Variants in CAMTA1 observed in about 807,000 individuals in gnomAD.
CAMTA1 encodes the protein calmodulin-binding transcription activator 1.
CAMTA1 carries 27 observed loss-of-function variants against 170.9 expected under a neutral mutation model. That is an observed-to-expected ratio of 0.16 (90% confidence interval 0.12 to 0.22). The LOEUF is 0.22. Among genes scored for constraint, CAMTA1 ranks in the 10% least tolerant of loss-of-function variants. The pLI is 1.00. For missense variants in CAMTA1, 1,619 were observed against 2,217.2 expected (o/e 0.73, Z 5.42); for synonymous variants, 833 against 891.5 (o/e 0.93, Z 1.17).
At chr1:6,807,555 C>T (rs1402547287) in intron 1 of CAMTA1, among the ~76,000 whole-genome samples, 1 of 151,964 alleles carries the variant, frequency 6.6e-6, no homozygotes, top group Non-Finnish European at 1.5e-5. Context: ...CCCGTCTCTA[C>T]TAAAAATACA....
At chr1:7,103,735 CAT>C (rs1312800674) in intron 4 of CAMTA1, among the ~76,000 whole-genome samples, 7 of 151,576 alleles carry the variant, frequency 4.6e-5, no homozygotes, top group African/African-American at 7.3e-5. Flanking sequence ...ACACACCACA[CAT>C]GTACACACAA....
intron 4 of CAMTA1, among the ~76,000 whole-genome samples, chr1:7,103,622 C>CACA (rs1553246273): frequency 2.2e-4 from 32 of 147,360 alleles, no homozygotes; most frequent in South Asian, 1.1e-3. Context: ...CACACACGCA[C>CACA]ACACAACTAC....
chr1:6,858,776 C>T (rs1285677636), intron 3 of CAMTA1, among the ~76,000 whole-genome samples: 1 of 152,006 alleles, frequency 6.6e-6, no homozygotes, highest in East Asian at 1.9e-4. Flanking sequence ...TATGAGGACC[C>T]CAGTGTCGTA....
intron 6 of CAMTA1, among the ~76,000 whole-genome samples, chr1:7,501,154 G>A (rs1025461238): frequency 6.6e-6 from 1 of 152,082 alleles, no homozygotes; most frequent in South Asian, 2.1e-4. Context: ...AGGTTCTAGG[G>A]CATTCTCCCC....
chr1:6,964,388 A>T (rs1691154240), intron 3 of CAMTA1, among the ~76,000 whole-genome samples: 1 of 152,144 alleles, frequency 6.6e-6, no homozygotes, highest in East Asian at 1.9e-4. Context: ...CAGGGGCACA[A>T]CGTGATGGCT....
At chr1:7,480,260 T>TGAGTGC (rs199598421) in intron 6 of CAMTA1, among the ~76,000 whole-genome samples, 2 of 151,074 alleles carry the variant, frequency 1.3e-5, no homozygotes, top group Middle Eastern at 3.5e-3. Context: ...TGCATGTGTG[T>TGAGTGC]ATGTGTGTGA....
At chr1:6,928,689 C>G (rs2149361983) in intron 3 of CAMTA1, among the ~76,000 whole-genome samples, 1 of 152,316 alleles carries the variant, frequency 6.6e-6, no homozygotes, top group Middle Eastern at 3.4e-3. Context: ...GACCTTTGCA[C>G]TTGCCATTCC....
chr1:7,545,139 A>T (rs1286008490), intron 6 of CAMTA1, among the ~76,000 whole-genome samples: 2 of 152,152 alleles, frequency 1.3e-5, no homozygotes, highest in Non-Finnish European at 2.9e-5. Context: ...TTATGCCGTT[A>T]TTTTTGTTTC....
At chr1:7,210,400 C>T (rs372326017) in intron 4 of CAMTA1, among the ~76,000 whole-genome samples, 6 of 152,270 alleles carry the variant, frequency 3.9e-5, no homozygotes, top group East Asian at 3.9e-4. Flanking sequence ...ACCACAGAAG[C>T]GACATTGGGT....
chr1:6,990,600 A>G (rs1294546359), intron 3 of CAMTA1, among the ~76,000 whole-genome samples: 2 of 152,126 alleles, frequency 1.3e-5, no homozygotes, highest in Non-Finnish European at 2.9e-5. Flanking sequence ...GTGTCTACCC[A>G]TGTAACCCAA....
At chr1:7,764,519 G>C (rs1215206893) in intron 22 of CAMTA1, among the ~76,000 whole-genome samples, 1 of 152,194 alleles carries the variant, frequency 6.6e-6, no homozygotes, top group African/African-American at 2.4e-5. Context: ...ACTCAGAAAT[G>C]ATTCTGCTTG....
chr1:7,018,630 G>C (rs1319392190), intron 3 of CAMTA1, among the ~76,000 whole-genome samples: 1 of 152,158 alleles, frequency 6.6e-6, no homozygotes, highest in East Asian at 1.9e-4. Context: ...TGCTTTTAGA[G>C]ATGCCATTCC....
rs1322434658 is a variant in CAMTA1 at position 7,270,297 on chromosome 1, T to A, written c.438+20671T>A. 8.9e-3 allele frequency among the ~76,000 whole-genome samples: 1,305 copies of A among 146,116 alleles called. 18 individuals carry two copies. Among genetic ancestry groups the A allele is most frequent in the Admixed American group, 0.016 (235 of 14,590 alleles). ...CACATATATATATATATATATTTTTTTTTTTTTTTCTTGTGAGATGGAGTT... is the reference window on the plus strand; with the variant it reads ...CACATATATATATATATATATTTTTATTTTTTTTTCTTGTGAGATGGAGTT... On this transcript the variant is annotated intron_variant, in intron 5 of 22. Transcript: ENST00000303635.
At chr1:7,365,729 T>G (rs2085916090) in intron 5 of CAMTA1, among the ~76,000 whole-genome samples, 1 of 152,240 alleles carries the variant, frequency 6.6e-6, no homozygotes, top group African/African-American at 2.4e-5. Flanking sequence ...GTTTGAGACT[T>G]CAGCTCTGGC....
At chr1:7,425,115 A>G (rs1171496259) in intron 5 of CAMTA1, among the ~76,000 whole-genome samples, 1 of 152,194 alleles carries the variant, frequency 6.6e-6, no homozygotes, top group Non-Finnish European at 1.5e-5. Flanking sequence ...CCCCATAAAC[A>G]AAGTGTACAC....
At chr1:7,745,084 G>T in intron 17 of CAMTA1, 62 bp downstream of exon 17, 1 of 1,448,586 alleles carries the variant, frequency 6.9e-7, no homozygotes, top group Non-Finnish European at 9.4e-7. Flanking sequence ...GGAGGCAGGG[G>T]AGGCTGATTG....
At chr1:7,608,428 G>T (rs2150647552) in intron 6 of CAMTA1, among the ~76,000 whole-genome samples, 1 of 152,330 alleles carries the variant, frequency 6.6e-6, no homozygotes, top group South Asian at 2.1e-4. Flanking sequence ...GCAGGCACAT[G>T]TCCTTAGCAC....
chr1:6,810,454 G>C (rs1436852610), intron 1 of CAMTA1, among the ~76,000 whole-genome samples: 1 of 152,178 alleles, frequency 6.6e-6, no homozygotes, highest in Non-Finnish European at 1.5e-5. Context: ...GCCATGTTCT[G>C]CTGGTTAGAA....
At position 7,146,912 on chromosome 1, in the gene CAMTA1, TCA is replaced by T. The variant is rs755817989; in HGVS notation, c.302+55547_302+55548del. ...CATATGCCGTGCATACACATACACA[TCA>T]CACACTCAAATATACACCATGTTCA... On this transcript the variant is annotated intron_variant, in intron 4 of 22. Coordinates refer to ENST00000303635, the MANE Select transcript of CAMTA1 (RefSeq NM_015215.4). This position sits in a 1 kb window ranked among gnomAD's most constrained non-coding sequence, Gnocchi z 4.3. Among the ~76,000 whole-genome samples the T allele has an allele frequency of 6.6e-6, 1 of 150,536 alleles. No homozygotes were observed. The highest frequency in any genetic ancestry group is 2.5e-5 in the African/African-American group (1 of 40,750).
Sources: gnomAD v4.1 joint callset for allele counts (sites outside exome capture counted in the v4.1 genomes callset) on GRCh38, gnomAD v4.1.1 for gene constraint, Gnocchi (gnomAD v3.1) non-coding constraint, MANE v1.5 for transcripts, NCBI Gene and HGNC (gene_info 2026-07-23, HGNC 2026-07-21) for gene names.